Variants in PHACTR3 observed in about 807,000 individuals in gnomAD.
The protein encoded by PHACTR3 is phosphatase and actin regulator 3.
Under a neutral mutation model 66.8 loss-of-function variants are expected in PHACTR3, and 16 were observed. That is an observed-to-expected ratio of 0.24 (90% CI 0.16 to 0.36). The LOEUF is 0.36. Among genes scored for constraint, PHACTR3 ranks in the 10% least tolerant of loss-of-function variants. PHACTR3 has a pLI of 1.00. For synonymous variants in PHACTR3, 323 were observed against 292.1 expected, an observed-to-expected ratio of 1.11 and a Z score of -1.08; for missense variants, 647 against 719.9, an observed-to-expected ratio of 0.90 and a Z score of 1.16.
At chr20:59,842,179 C>A (rs79624118) in intron 11 of PHACTR3, among the ~76,000 whole-genome samples, 1,796 of 152,234 alleles carry the variant, frequency 0.012, 35 homozygotes, top group African/African-American at 0.04. Context: ...CAGAGAGGGT[C>A]AGTTCTTGTC....
chr20:59,828,524 G>A (rs967001468), intron 8 of PHACTR3, among the ~76,000 whole-genome samples: 4 of 152,012 alleles, frequency 2.6e-5, no homozygotes, highest in Admixed American at 6.5e-5. Flanking sequence ...TTGGTTATGC[G>A]TGTCAGGGAT....
chr20:59,841,112 A>G (rs576493403), intron 10 of PHACTR3, among the ~76,000 whole-genome samples: 27 of 152,280 alleles, frequency 1.8e-4, no homozygotes, highest in African/African-American at 6.5e-4. Context: ...ATGCCATAAA[A>G]TCTAAGTTAA....
At chr20:59,632,100 G>A (rs115442903) in intron 1 of PHACTR3, among the ~76,000 whole-genome samples, 1,550 of 152,286 alleles carry the variant, frequency 0.01, 29 homozygotes, top group African/African-American at 0.035. Flanking sequence ...GCGGCCTCTC[G>A]TCTAATGCTA....
At chr20:59,800,116 ATTG>A (rs1169938676) in intron 7 of PHACTR3, among the ~76,000 whole-genome samples, 1 of 152,078 alleles carries the variant, frequency 6.6e-6, no homozygotes, top group Non-Finnish European at 1.5e-5. Context: ...CATTTGTTCT[ATTG>A]TTGTTGTCCA....
chr20:59,795,572 G>A (rs1362178683), intron 7 of PHACTR3, among the ~76,000 whole-genome samples: 1 of 152,042 alleles, frequency 6.6e-6, no homozygotes, highest in Non-Finnish European at 1.5e-5. Flanking sequence ...CATTGCTGAA[G>A]TAAGGTGTTG....
At chr20:59,802,511 G>T (rs1221738113) in intron 7 of PHACTR3, among the ~76,000 whole-genome samples, 1 of 152,176 alleles carries the variant, frequency 6.6e-6, no homozygotes, top group African/African-American at 2.4e-5. Flanking sequence ...ACAGAGTCTG[G>T]GATTCTCCTG....
chr20:59,716,912 G>A lies in PHACTR3; in HGVS notation c.119-26195G>A, dbSNP rs146900437. Among the ~76,000 whole-genome samples the A allele has an allele frequency of 6.2e-3, 940 of 152,284 alleles. 18 individuals are homozygous for A. Among genetic ancestry groups the A allele is most frequent in the African/African-American group, 0.021 (890 of 41,560 alleles). ...CCATTAATAGGCAAAAAACGCAAGC[G>A]TGGGTGAAGGCTGAATCTATCATGC... On this transcript the variant is annotated intron_variant, in intron 1 of 12. Coordinates refer to ENST00000371015, the MANE Select transcript of PHACTR3 (RefSeq NM_080672.5).
At chr20:59,842,508 A>G (rs1372091451) in intron 11 of PHACTR3, among the ~76,000 whole-genome samples, 2 of 152,064 alleles carry the variant, frequency 1.3e-5, no homozygotes, top group South Asian at 2.1e-4. Flanking sequence ...TGAGTATGAG[A>G]ATAATATACC....
At chr20:59,677,457 T>C (rs564251589) in intron 1 of PHACTR3, among the ~76,000 whole-genome samples, 6 of 152,214 alleles carry the variant, frequency 3.9e-5, no homozygotes, top group Non-Finnish European at 7.3e-5. Context: ...TGAAGTTGGA[T>C]GTCTGGAGTT....
chr20:59,588,045 T>A (rs1473601100), intron 1 of PHACTR3, among the ~76,000 whole-genome samples: 1 of 152,146 alleles, frequency 6.6e-6, no homozygotes, highest in Non-Finnish European at 1.5e-5. Context: ...GGTGCCTGCA[T>A]TGGTGCTTGA....
intron 1 of PHACTR3, among the ~76,000 whole-genome samples, chr20:59,662,143 C>T (rs887657246): frequency 1.4e-4 from 21 of 152,280 alleles, no homozygotes; most frequent in African/African-American, 4.1e-4. Flanking sequence ...TTCCAGGCAC[C>T]GCACAGGGCA....
At chr20:59,619,499 C>T (rs2034159995) in intron 1 of PHACTR3, among the ~76,000 whole-genome samples, 1 of 152,004 alleles carries the variant, frequency 6.6e-6, no homozygotes, top group African/African-American at 2.4e-5. Flanking sequence ...TAGAGTTTCC[C>T]CTTGAGGGAA....
chr20:59,827,313 C>T (rs954660463), intron 8 of PHACTR3, among the ~76,000 whole-genome samples: 1 of 152,132 alleles, frequency 6.6e-6, no homozygotes, highest in African/African-American at 2.4e-5. Context: ...CGAGACCCCT[C>T]CCCACCACCA....
At chr20:59,666,656 GAGAT>G (rs1252001502) in intron 1 of PHACTR3, among the ~76,000 whole-genome samples, 3 of 152,158 alleles carry the variant, frequency 2.0e-5, no homozygotes, top group African/African-American at 7.2e-5. Flanking sequence ...CAAAGACAGA[GAGAT>G]AGAGAAACAG....
chr20:59,642,834 G>A (rs1444986472), intron 1 of PHACTR3, among the ~76,000 whole-genome samples: 1 of 152,122 alleles, frequency 6.6e-6, no homozygotes, highest in Non-Finnish European at 1.5e-5. Flanking sequence ...CCAACATTGG[G>A]GCGTTTGCCT....
In PHACTR3 at chr20:59,609,494, C is replaced by A. The variant is rs73301416; in HGVS notation, c.118+4362C>A. Reference sequence around the variant, plus strand: ...CTCCCACCCCCACCCCCACCCTCACCCCCACCAGGGTTTAGCTCCTACCTT... The same window carrying A: ...CTCCCACCCCCACCCCCACCCTCACACCCACCAGGGTTTAGCTCCTACCTT... On this transcript the variant is annotated intron_variant, in intron 1 of 12. Coordinates refer to ENST00000371015, the MANE Select transcript of PHACTR3 (RefSeq NM_080672.5). 2.0e-4 allele frequency among the ~76,000 whole-genome samples: 30 copies of A among 150,536 alleles called. No individual in the cohort carries two copies. The South Asian group carries it at 3.9e-3, about 19-fold the overall frequency.
intron 8 of PHACTR3, among the ~76,000 whole-genome samples, chr20:59,826,714 T>C (rs2042201470): frequency 6.6e-6 from 1 of 152,190 alleles, no homozygotes; most frequent in African/African-American, 2.4e-5. Flanking sequence ...TTACGCCTGC[T>C]GTCTCTGCTT....
At chr20:59,698,923 T>C (rs1236870900) in intron 1 of PHACTR3, among the ~76,000 whole-genome samples, 1 of 152,150 alleles carries the variant, frequency 6.6e-6, no homozygotes, top group Non-Finnish European at 1.5e-5. Flanking sequence ...CACAGGATGT[T>C]GAAAGAAGAT....
upstream of PHACTR3, among the ~76,000 whole-genome samples, chr20:59,600,263 T>C (rs1041541218): frequency 5.3e-5 from 8 of 152,236 alleles, no homozygotes; most frequent in African/African-American, 1.9e-4. Flanking sequence ...TGCTGCACTC[T>C]GTACTCATTG....
Sources: gnomAD v4.1 joint callset for allele counts (sites outside exome capture counted in the v4.1 genomes callset) on GRCh38, gnomAD v4.1.1 for gene constraint, MANE v1.5 for transcripts, NCBI Gene and HGNC (gene_info 2026-07-23, HGNC 2026-07-21) for gene names.